RBFOX3: variants seen among roughly 807,000 people sequenced by gnomAD.
RBFOX3 encodes RNA binding fox-1 homolog 3, also known as RNA binding protein fox-1 homolog 3.
In RBFOX3, 17 loss-of-function variants were observed where a neutral mutation model predicts 48.7. The observed-to-expected ratio is 0.35, with a 90% confidence interval of 0.24 to 0.52. The LOEUF (loss-of-function observed/expected upper bound fraction) is 0.52. Among genes scored for constraint, RBFOX3 ranks in the 20% least tolerant of loss-of-function variants. The probability of loss-of-function intolerance (pLI) is 0.94; values close to 1 mark genes in which losing one functional copy is unlikely to be tolerated. For missense variants in RBFOX3, 382 were observed against 497.5 expected (o/e 0.77, Z 2.21); for synonymous variants, 212 against 209.5 (o/e 1.01, Z -0.10).
At chr17:79,300,659 A>G (rs2075165869) in intron 3 of RBFOX3, among the ~76,000 whole-genome samples, 1 of 152,146 alleles carries the variant, frequency 6.6e-6, no homozygotes, top group South Asian at 2.1e-4. Flanking sequence ...CATTTCGGAT[A>G]AAGATGATAT....
intron 4 of RBFOX3, among the ~76,000 whole-genome samples, chr17:79,223,024 C>T (rs2147489847): frequency 6.6e-6 from 1 of 152,218 alleles, no homozygotes; most frequent in East Asian, 1.9e-4. Context: ...TGGGGACCTG[C>T]CCATATGGCC....
intron 4 of RBFOX3, among the ~76,000 whole-genome samples, chr17:79,166,892 A>T (rs977973753): frequency 6.6e-6 from 1 of 152,240 alleles, no homozygotes; most frequent in Non-Finnish European, 1.5e-5. Context: ...CACACCTGCC[A>T]AAGAGTGAAT....
chr17:79,463,832 G>A (rs1340964479), intron 2 of RBFOX3, among the ~76,000 whole-genome samples: 2 of 119,112 alleles, frequency 1.7e-5, no homozygotes, highest in African/African-American at 6.7e-5. Context: ...CATCACCACT[G>A]CCACCACCAC....
chr17:79,634,178 C>T, the RBFOX3 span, among the ~76,000 whole-genome samples: 24 of 152,230 alleles, frequency 1.6e-4, no homozygotes, highest in Admixed American at 7.2e-4. Flanking sequence ...CAGACGCCAC[C>T]CTCACACTCT....
chr17:79,421,152 G>A lies in RBFOX3; in HGVS notation c.-175+61302C>T, dbSNP rs1340155760. ...ATGACACCGTCCTGGCTTCACAGCA[G>A]AGGGCAGGATGCTCCGTGCCCTAAC... On this transcript the variant is annotated intron_variant, in intron 2 of 14. Transcript: ENST00000693108. This position sits in a 1 kb window ranked among gnomAD's most constrained non-coding sequence, Gnocchi z 4.5. Among the ~76,000 whole-genome samples, 1 of 152,190 alleles carries A rather than the reference G, an allele frequency of 6.6e-6. No homozygotes were observed. The highest frequency in any genetic ancestry group is 2.4e-5 in the African/African-American group (1 of 41,450).
chr17:79,334,006 C>T (rs534586084), intron 2 of RBFOX3, among the ~76,000 whole-genome samples: 2 of 152,216 alleles, frequency 1.3e-5, no homozygotes, highest in South Asian at 2.1e-4. Flanking sequence ...AATTCCCACC[C>T]TGGTCACCAA....
At chr17:79,633,215 C>T in the RBFOX3 span, among the ~76,000 whole-genome samples, 1 of 152,362 alleles carries the variant, frequency 6.6e-6, no homozygotes, top group East Asian at 1.9e-4. Flanking sequence ...AGCCCAGGAG[C>T]CACAGCTAAG....
chr17:79,126,718 T>C (rs2037399210), intron 4 of RBFOX3, among the ~76,000 whole-genome samples: 2 of 152,194 alleles, frequency 1.3e-5, no homozygotes, highest in African/African-American at 4.8e-5. Context: ...AGGTAGTTTC[T>C]GCAGGAGACA....
intron 4 of RBFOX3, among the ~76,000 whole-genome samples, chr17:79,159,999 G>A (rs574274190): frequency 9.8e-5 from 15 of 152,340 alleles, no homozygotes; most frequent in Admixed American, 3.3e-4. Flanking sequence ...CAGACAAAAC[G>A]GAGGGCAGCT....
At chr17:79,497,973 G>T (rs2081802164) in intron 1 of RBFOX3, among the ~76,000 whole-genome samples, 1 of 152,364 alleles carries the variant, frequency 6.6e-6, no homozygotes, top group Middle Eastern at 3.4e-3. Flanking sequence ...AGGCAGATGT[G>T]CAGGAGGCTC....
rs548562124 is a variant in RBFOX3, at chr17:79,200,222, C to T, written c.-34+35544G>A. 2.6e-5 allele frequency among the ~76,000 whole-genome samples: 4 copies of T among 151,630 alleles called. No homozygotes were observed. In the South Asian group the frequency reaches 6.3e-4, roughly 24 times the overall value. On this transcript the variant is annotated intron_variant, in intron 4 of 14. Coordinates refer to ENST00000693108, the MANE Select transcript of RBFOX3 (RefSeq NM_001350451.2). ...ACCCTCCTTAAGTACTTCCCAAGGC[C>T]CAGTGAGATGACAGATGGCCAAAGC...
chr17:79,268,168 C>T (rs2377390), intron 3 of RBFOX3, among the ~76,000 whole-genome samples: 119,484 of 151,604 alleles, frequency 0.79, 48,781 homozygotes, highest in East Asian at 0.92. Flanking sequence ...TTCTCGTCTG[C>T]GAGTCTGCGA....
At chr17:79,455,413 G>C (rs536121833) in intron 2 of RBFOX3, among the ~76,000 whole-genome samples, 1 of 152,284 alleles carries the variant, frequency 6.6e-6, no homozygotes, top group Admixed American at 6.5e-5. Flanking sequence ...GTTAACTGAA[G>C]GTGGGAATCA....
chr17:79,491,058 G>A (rs2080460356), intron 1 of RBFOX3, among the ~76,000 whole-genome samples: 1 of 11,234 alleles, frequency 8.9e-5, no homozygotes, highest in Non-Finnish European at 1.5e-4. Flanking sequence ...AAAGGAGAGG[G>A]GAGGGGAGGG....
chr17:79,116,418 G>A (rs1396013374), intron 4 of RBFOX3, among the ~76,000 whole-genome samples: 4 of 148,152 alleles, frequency 2.7e-5, no homozygotes, highest in African/African-American at 9.9e-5. Flanking sequence ...GGGAGGCTGA[G>A]GCAGGAGAAT....
intron 4 of RBFOX3, among the ~76,000 whole-genome samples, chr17:79,139,078 A>G (rs1217577670): frequency 6.1e-5 from 9 of 146,948 alleles, no homozygotes; most frequent in Admixed American, 6.1e-4. Context: ...CCACACACAC[A>G]TGCACACAAG....
Position 79,421,118 on chromosome 17 carries a change from G to T in RBFOX3, c.-175+61336C>A, listed in dbSNP as rs1233841512. Among the ~76,000 whole-genome samples, 1 of 152,146 alleles carries T rather than the reference G, an allele frequency of 6.6e-6. No homozygotes were observed. The highest frequency in any genetic ancestry group is 1.5e-5 in the Non-Finnish European group (1 of 68,024). On this transcript the variant is annotated intron_variant, in intron 2 of 14. Transcript: ENST00000693108. The surrounding 1 kb of genome is among the most constrained non-coding windows in gnomAD (Gnocchi z 4.5). ...TCCCCAGGTGCTGTCAAACATCAGTGCCAGGAAGATGACACCGTCCTGGCT... is the reference window on the plus strand; with the variant it reads ...TCCCCAGGTGCTGTCAAACATCAGTTCCAGGAAGATGACACCGTCCTGGCT...
Position 79,577,059 on chromosome 17 carries a change from A to G in RBFOX3, c.-320+33767T>C, listed in dbSNP as rs944566287. The stretch of plus-strand genomic sequence containing the variant: ...AGCCTATAGAGCCCACACACAGACG[A>G]CTCACAGCATGGAGGTCTCACTCTG... On this transcript the variant is annotated intron_variant, in intron 1 of 14. Transcript: ENST00000693108. Among the ~76,000 whole-genome samples, 129 of 152,042 alleles carry G rather than the reference A, an allele frequency of 8.5e-4. 4 individuals carry two copies. In the South Asian group the frequency reaches 0.019, roughly 23 times the overall value.
chr17:79,643,484 T>A, the RBFOX3 span, among the ~76,000 whole-genome samples: 2 of 152,188 alleles, frequency 1.3e-5, no homozygotes, highest in Non-Finnish European at 2.9e-5. Flanking sequence ...TGCCAAATAC[T>A]CATTCTTTTC....
Sources: allele counts gnomAD v4.1 joint callset (sites outside exome capture counted in the v4.1 genomes callset), GRCh38; gene constraint gnomAD v4.1.1; non-coding constraint Gnocchi (gnomAD v3.1); transcripts MANE v1.5; gene names NCBI Gene and HGNC (gene_info 2026-07-23, HGNC 2026-07-21).